Variants in DIP2C observed in about 807,000 individuals in gnomAD.
The protein encoded by DIP2C is DIP2 acetate--CoA ligase C (putative).
In DIP2C, 33 loss-of-function variants were observed where a neutral mutation model predicts 192.4. The observed-to-expected ratio is 0.17, with a 90% CI of 0.13 to 0.23. The LOEUF (loss-of-function observed/expected upper bound fraction) is 0.23. Ranked by LOEUF, DIP2C falls within the 10% of genes least tolerant of loss-of-function variation. DIP2C has a pLI of 1.00. For synonymous variants in DIP2C, 979 were observed against 864.1 expected, an observed-to-expected ratio of 1.13 and a Z score of -2.33; for missense variants, 1,537 against 2,110.1, an observed-to-expected ratio of 0.73 and a Z score of 5.32.
chr10:651,842 G>C lies in DIP2C; in HGVS notation c.85+37652C>G, dbSNP rs1855931212. The stretch of plus-strand genomic sequence containing the variant: ...GAGATGGTGTGGGGCGAAACCAATG[G>C]GGAAACTACAAAAGAAACCACCTGC... On this transcript the variant is annotated intron_variant, in intron 1 of 36. Coordinates refer to ENST00000280886, the MANE Select transcript of DIP2C (RefSeq NM_014974.3). The surrounding 1 kb of genome is among the most constrained non-coding windows in gnomAD (Gnocchi z 4.1). 4.6e-6 allele frequency: 1 copy of C among 215,420 alleles called. No individual in the cohort carries two copies. The highest frequency in any genetic ancestry group is 9.3e-6 in the Non-Finnish European group (1 of 107,262). 13.3% of individuals were successfully genotyped at this position (215,420 alleles called of 1,614,324 possible). A position where few individuals can be genotyped will look rare whatever the true frequency, so the allele number is the denominator to read the frequency against.
At chr10:672,120 G>A (rs1830679534) in intron 1 of DIP2C, among the ~76,000 whole-genome samples, 1 of 148,774 alleles carries the variant, frequency 6.7e-6, no homozygotes, top group Non-Finnish European at 1.5e-5. Context: ...CACGGAGGGA[G>A]GAAACGTCAT....
intron 1 of DIP2C, among the ~76,000 whole-genome samples, chr10:598,789 G>C (rs754529890): frequency 9.9e-5 from 15 of 152,178 alleles, no homozygotes; most frequent in Admixed American, 2.0e-4. Context: ...AGGCATCTGA[G>C]CAGAAGGCCT....
chr10:435,769 T>C (rs1393256191), intron 4 of DIP2C, among the ~76,000 whole-genome samples: 2 of 152,216 alleles, frequency 1.3e-5, no homozygotes, highest in Non-Finnish European at 2.9e-5. Context: ...AAAAAGTGTC[T>C]TCCCTTCCTC....
intron 34 of DIP2C, among the ~76,000 whole-genome samples, chr10:285,578 T>A (rs2132163357): frequency 6.6e-6 from 1 of 152,326 alleles, no homozygotes; most frequent in Admixed American, 6.5e-5. Flanking sequence ...GGAAGCTCAG[T>A]GCCAGAGAGA....
chr10:491,027 T>A (rs1345375951), intron 1 of DIP2C, among the ~76,000 whole-genome samples: 1 of 152,132 alleles, frequency 6.6e-6, no homozygotes, highest in Non-Finnish European at 1.5e-5. Context: ...CAGGGAAAGG[T>A]CTGCCTGGCA....
chr10:426,149 TAAA>T (rs1966583235), intron 4 of DIP2C, among the ~76,000 whole-genome samples: 1 of 152,184 alleles, frequency 6.6e-6, no homozygotes, highest in African/African-American at 2.4e-5. Context: ...TTTGCATTAC[TAAA>T]AAATGAGTTT....
intron 29 of DIP2C, among the ~76,000 whole-genome samples, chr10:337,268 A>AT (rs1957859847): frequency 9.1e-5 from 1 of 11,008 alleles, no homozygotes; most frequent in African/African-American, 2.8e-4. Context: ...GCCTAGGCTG[A>AT]TGTGTGTGTG....
chr10:439,304 C>G (rs1967529228), intron 4 of DIP2C, among the ~76,000 whole-genome samples: 1 of 131,742 alleles, frequency 7.6e-6, no homozygotes, highest in African/African-American at 4.0e-5. Context: ...CCCTTGCCAA[C>G]AACCTTGCTA....
At chr10:309,997 GGAAAAAAA>G in intron 32 of DIP2C, 26 bp downstream of exon 32, 4 of 1,607,462 alleles carry the variant, frequency 2.5e-6, no homozygotes, top group Non-Finnish European at 3.4e-6. Context: ...AACAAAAAAA[GGAAAAAAA>G]GAAAAAACCC....
intron 7 of DIP2C, 88 bp from the exon 8 acceptor site, chr10:414,198 T>G (rs890462042): frequency 1.2e-5 from 17 of 1,418,522 alleles, no homozygotes; most frequent in Non-Finnish European, 1.5e-5. Flanking sequence ...AGCCAAGAGA[T>G]TTATACTTAA....
chr10:335,537 G>A (rs1957718787), intron 29 of DIP2C, among the ~76,000 whole-genome samples: 2 of 152,256 alleles, frequency 1.3e-5, no homozygotes, highest in Admixed American at 1.3e-4. Flanking sequence ...GTTTCTGGAT[G>A]TTTCCGTGAC....
chr10:500,603 AAAC>A (rs1437035617), intron 1 of DIP2C, among the ~76,000 whole-genome samples: 1 of 152,270 alleles, frequency 6.6e-6, no homozygotes, highest in East Asian at 1.9e-4. Flanking sequence ...ATCCTACACA[AAAC>A]AAAGTGCACA....
At chr10:400,607 T>C (rs1589708012) in intron 9 of DIP2C, among the ~76,000 whole-genome samples, 1 of 151,700 alleles carries the variant, frequency 6.6e-6, no homozygotes, top group South Asian at 2.1e-4. Context: ...TTGGTACGTG[T>C]TCATCAGCAC....
At chr10:627,800 T>C (rs945007111) in intron 1 of DIP2C, among the ~76,000 whole-genome samples, 15 of 152,214 alleles carry the variant, frequency 9.9e-5, no homozygotes, top group African/African-American at 3.6e-4. Context: ...CGTGGACGCT[T>C]ACAGGACTTC....
intron 1 of DIP2C, among the ~76,000 whole-genome samples, chr10:558,659 G>A (rs1449139546): frequency 6.6e-6 from 1 of 152,230 alleles, no homozygotes; most frequent in Non-Finnish European, 1.5e-5. Flanking sequence ...GTGTTTCTGA[G>A]AAGGTGTGGA....
chr10:309,473 C>T (rs1292646517), intron 32 of DIP2C, among the ~76,000 whole-genome samples: 1 of 152,130 alleles, frequency 6.6e-6, no homozygotes. Context: ...GAACCGAGTG[C>T]CTGCCTTCCA....
intron 1 of DIP2C, among the ~76,000 whole-genome samples, chr10:586,451 C>T (rs536134239): frequency 1.5e-4 from 22 of 150,948 alleles, no homozygotes; most frequent in African/African-American, 5.5e-4. Flanking sequence ...ACTTCACTAA[C>T]CTACGTCACG....
chr10:414,735 G>GTATATA lies in DIP2C; in HGVS notation c.860-626_860-625insTATATA, dbSNP rs1377828086. 1.6e-3 allele frequency among the ~76,000 whole-genome samples: 84 copies of GTATATA among 53,080 alleles called. 2 individuals are homozygous for GTATATA. The highest frequency in any genetic ancestry group is 4.0e-3 in the African/African-American group (60 of 15,008). The allele number at this position is 53,080 out of a possible 152,430, so 34.8% of individuals were successfully genotyped here. On this transcript the variant is annotated intron_variant, in intron 7 of 36. Transcript: ENST00000280886. ...TGTGTGTGTGTGTGTGTGTGTGTGT[G>GTATATA]TGTGTACATATATATATATATAATG... is the stretch of plus-strand genomic sequence containing the variant.
At chr10:493,463 G>C (rs1844596142) in intron 1 of DIP2C, among the ~76,000 whole-genome samples, 4 of 152,304 alleles carry the variant, frequency 2.6e-5, no homozygotes, top group Non-Finnish European at 4.4e-5. Context: ...GGAGCGAGAA[G>C]GGGCAAGGTA....
Sources: gnomAD v4.1 joint callset for allele counts (sites outside exome capture counted in the v4.1 genomes callset) on GRCh38, gnomAD v4.1.1 for gene constraint, Gnocchi (gnomAD v3.1) non-coding constraint, MANE v1.5 for transcripts, NCBI Gene and HGNC (gene_info 2026-07-23, HGNC 2026-07-21) for gene names.